The following RERG variants were observed in gnomAD, a reference collection of about 807,000 sequenced individuals.
RERG encodes RAS like estrogen regulated growth inhibitor.
Under a neutral mutation model 23.2 loss-of-function variants are expected in RERG, and 25 were observed. The observed-to-expected ratio is 1.08, with a 90% CI of 0.79 to 1.50. RERG has a LOEUF of 1.50. RERG is among the 40% of genes most tolerant of loss of function. RERG has a pLI of 0.00. For synonymous variants in RERG, 81 were observed against 89.1 expected (o/e 0.91, Z 0.51); for missense variants, 253 against 250.1 (o/e 1.01, Z -0.08).
At position 15,129,740 on chromosome 12, in the gene RERG, G is replaced by T. The variant is rs1864011147; in HGVS notation, c.62-8621C>A. Among the ~76,000 whole-genome samples the T allele has an allele frequency of 7.2e-5, 11 of 152,194 alleles. No individual in the cohort carries two copies. The South Asian group carries it at 2.3e-3, about 32-fold the overall frequency. On this transcript the variant is annotated intron_variant, in intron 2 of 4. Coordinates refer to ENST00000256953, the MANE Select transcript of RERG (RefSeq NM_032918.3). ...TAGAGTGGCATGTAGGGGGAGCTAT[G>T]TTGGTAGGGGGTCAGGTTGTGAGGT...
chr12:15,122,891 C>T (rs1374144468), intron 2 of RERG, among the ~76,000 whole-genome samples: 3 of 151,478 alleles, frequency 2.0e-5, no homozygotes, highest in African/African-American at 7.3e-5. Flanking sequence ...CTCCACCTTT[C>T]GGGTTCAAGC....
chr12:15,146,011 G>A (rs1591646732), intron 2 of RERG, among the ~76,000 whole-genome samples: 1 of 152,328 alleles, frequency 6.6e-6, no homozygotes, highest in Non-Finnish European at 1.5e-5. Flanking sequence ...GGAGAAATGT[G>A]TGGTACAGGG....
At chr12:15,154,927 A>G (rs1420027295) in intron 2 of RERG, among the ~76,000 whole-genome samples, 1 of 152,176 alleles carries the variant, frequency 6.6e-6, no homozygotes, top group Non-Finnish European at 1.5e-5. Context: ...ATATATTTTC[A>G]TTTTTTAAAA....
At position 15,221,402 on chromosome 12, in the gene RERG, G is replaced by C. The variant is rs1407122861; in HGVS notation, c.-322C>G. ...TCCTCACTCGCGCTCGCTCCGACTA[G>C]CGGCGGAGGGACTGCGGCAGGACGC... On this transcript the variant is annotated 5_prime_UTR_variant, in exon 1 of 5. Transcript: ENST00000256953. 6.6e-6 allele frequency: 1 copy of C among 152,254 alleles called. No homozygotes were observed. Among genetic ancestry groups the C allele is most frequent in the Non-Finnish European group, 1.5e-5 (1 of 68,068 alleles). The allele number at this position is 152,254 out of a possible 1,614,324, so 9.4% of individuals were successfully genotyped here. A position where few individuals can be genotyped will look rare whatever the true frequency, so the allele number is the denominator to read the frequency against.
chr12:15,116,869 A>T lies in RERG; in HGVS notation c.118+4194T>A, dbSNP rs1358846669. On this transcript the variant is annotated intron_variant, in intron 3 of 4. Transcript: ENST00000256953. ...TTGATTTCGTTCATACTAAACAAAAATAATAAATTGAGCCTTTTTTGGTGA... is the reference window on the plus strand; with the variant it reads ...TTGATTTCGTTCATACTAAACAAAATTAATAAATTGAGCCTTTTTTGGTGA... Among the ~76,000 whole-genome samples the T allele has an allele frequency of 3.9e-5, 6 of 152,230 alleles. No individual in the cohort carries two copies. The East Asian group carries it at 1.2e-3, about 29-fold the overall frequency.
intron 2 of RERG, among the ~76,000 whole-genome samples, chr12:15,132,294 C>T (rs1311205893): frequency 4.6e-5 from 7 of 152,168 alleles, no homozygotes; most frequent in Non-Finnish European, 7.4e-5. Context: ...TGGAAATATA[C>T]AGTATGTGAC....
chr12:15,214,770 C>T (rs1398082326), intron 2 of RERG, among the ~76,000 whole-genome samples: 1 of 152,082 alleles, frequency 6.6e-6, no homozygotes, highest in Non-Finnish European at 1.5e-5. Context: ...TCTCTTGAGC[C>T]CAGGAGTTGG....
At chr12:15,127,524 C>G (rs1276156486) in intron 2 of RERG, among the ~76,000 whole-genome samples, 2 of 152,164 alleles carry the variant, frequency 1.3e-5, no homozygotes, top group Non-Finnish European at 2.9e-5. Context: ...CTCTTACTCT[C>G]CTAGGCCAGA....
chr12:15,134,088 A>G (rs1033126740), intron 2 of RERG, among the ~76,000 whole-genome samples: 1 of 151,974 alleles, frequency 6.6e-6, no homozygotes, highest in Non-Finnish European at 1.5e-5. Flanking sequence ...TTCACAGAGA[A>G]GTTCTTAATT....
At chr12:15,200,273 C>T (rs1304411802) in intron 2 of RERG, among the ~76,000 whole-genome samples, 1 of 152,032 alleles carries the variant, frequency 6.6e-6, no homozygotes, top group Admixed American at 6.6e-5. Context: ...GTGAACAAAA[C>T]TTCCTTTCTA....
intron 2 of RERG, among the ~76,000 whole-genome samples, chr12:15,210,554 C>G (rs1485621129): frequency 6.6e-6 from 1 of 152,016 alleles, no homozygotes; most frequent in Non-Finnish European, 1.5e-5. Flanking sequence ...CTACCAGTAA[C>G]AATTCACTTT....
intron 2 of RERG, among the ~76,000 whole-genome samples, chr12:15,158,207 T>C (rs1210584752): frequency 1.3e-5 from 2 of 152,182 alleles, no homozygotes; most frequent in Non-Finnish European, 2.9e-5. Flanking sequence ...CAGAATCTAA[T>C]CTAGGACTGA....
At chr12:15,133,146 G>GATATATATATATATATATAT (rs376565973) in intron 2 of RERG, among the ~76,000 whole-genome samples, 69 of 125,194 alleles carry the variant, frequency 5.5e-4, no homozygotes, top group African/African-American at 2.0e-3. Flanking sequence ...ATCCTGTGGA[G>GATATATATATATATATATAT]ATATATATAT....
intron 2 of RERG, among the ~76,000 whole-genome samples, chr12:15,167,441 C>T (rs1864711321): frequency 6.6e-6 from 1 of 152,264 alleles, no homozygotes; most frequent in African/African-American, 2.4e-5. Flanking sequence ...GATTGCTGGA[C>T]CCCGGCCCCG....
At chr12:15,166,529 G>GGGA (rs1864692966) in intron 2 of RERG, among the ~76,000 whole-genome samples, 1 of 151,464 alleles carries the variant, frequency 6.6e-6, no homozygotes, top group East Asian at 1.9e-4. Context: ...GGTGATGGTG[G>GGGA]TGGTGGTGGT....
At chr12:15,126,128 C>CATATGTATATAT (rs1555120824) in intron 2 of RERG, among the ~76,000 whole-genome samples, 12 of 89,094 alleles carry the variant, frequency 1.3e-4, no homozygotes, top group Non-Finnish European at 2.4e-4. Flanking sequence ...TTGTATATAC[C>CATATGTATATAT]ATATATATAT....
Position 15,219,761 on chromosome 12 carries a change from C to A in RERG, c.-115+1434G>T, listed in dbSNP as rs994144116. Among the ~76,000 whole-genome samples the A allele has an allele frequency of 2.6e-5, 4 of 152,240 alleles. No individual in the cohort carries two copies. The East Asian group carries it at 7.7e-4, about 29-fold the overall frequency. On this transcript the variant is annotated intron_variant, in intron 1 of 4. Coordinates refer to ENST00000256953, the MANE Select transcript of RERG (RefSeq NM_032918.3). ...TAATTTTGTTTCATGCAAAACTGTT[C>A]ATATACATGGATATAAAATGCAAGT... is the stretch of plus-strand genomic sequence containing the variant.
chr12:15,127,433 A>C (rs948822222), intron 2 of RERG, among the ~76,000 whole-genome samples: 21 of 152,182 alleles, frequency 1.4e-4, no homozygotes, highest in African/African-American at 5.1e-4. Flanking sequence ...TTTCTTGAAA[A>C]TATATTGACT....
chr12:15,173,157 G>C (rs994679311), intron 2 of RERG, among the ~76,000 whole-genome samples: 1 of 152,010 alleles, frequency 6.6e-6, no homozygotes, highest in African/African-American at 2.4e-5. Context: ...TTTGCAGATA[G>C]TGTGAGGTAC....
Sources: gnomAD v4.1 joint callset for allele counts (sites outside exome capture counted in the v4.1 genomes callset) on GRCh38, gnomAD v4.1.1 for gene constraint, MANE v1.5 for transcripts, NCBI Gene and HGNC (gene_info 2026-07-23, HGNC 2026-07-21) for gene names.